LRRC49: variants seen among roughly 807,000 people sequenced by gnomAD.
The protein encoded by LRRC49 is leucine rich repeat containing 49, also known as leucine-rich repeat-containing protein 49.
A neutral mutation model predicts 83.3 loss-of-function variants in LRRC49; 50 were observed. The observed-to-expected ratio is 0.60, with a 90% CI of 0.48 to 0.76. The LOEUF (loss-of-function observed/expected upper bound fraction) is 0.76, where lower values mean the gene tolerates loss of function less well. Ranked by LOEUF, LRRC49 falls within the 30% of genes least tolerant of loss-of-function variation. The pLI is 0.00. For synonymous variants in LRRC49, 286 were observed against 283.3 expected, an observed-to-expected ratio of 1.01 and a Z score of -0.10; for missense variants, 704 against 809.1, an observed-to-expected ratio of 0.87 and a Z score of 1.58.
intron 15 of LRRC49, among the ~76,000 whole-genome samples, chr15:71,039,958 A>G (rs1404864480): frequency 6.6e-6 from 1 of 152,232 alleles, no homozygotes; most frequent in Non-Finnish European, 1.5e-5. Flanking sequence ...AAATGCCAGT[A>G]TTGCATAGGA....
chr15:71,007,709 G>GTGTATATATATATATATATATATA (rs964626080), intron 11 of LRRC49, among the ~76,000 whole-genome samples: 13 of 137,706 alleles, frequency 9.4e-5, no homozygotes, highest in African/African-American at 3.6e-4. Context: ...TGAGAAGCAT[G>GTGTATATATATATATATATATATA]TATATATATA....
At chr15:71,018,494 A>G (rs1488646060) in intron 14 of LRRC49, among the ~76,000 whole-genome samples, 2 of 152,204 alleles carry the variant, frequency 1.3e-5, no homozygotes, top group South Asian at 2.1e-4. Context: ...CTGGTAAGGT[A>G]TAACATAATT....
At chr15:71,011,070 A>G (rs2038636135) in intron 13 of LRRC49, among the ~76,000 whole-genome samples, 1 of 152,126 alleles carries the variant, frequency 6.6e-6, no homozygotes, top group African/African-American at 2.4e-5. Context: ...AGAATCAGCC[A>G]TCTGCTGAAG....
chr15:71,017,967 CTAAGTA>C (rs2038878639), intron 14 of LRRC49, among the ~76,000 whole-genome samples: 1 of 152,016 alleles, frequency 6.6e-6, no homozygotes, highest in South Asian at 2.1e-4. Flanking sequence ...ATTGGTAAAA[CTAAGTA>C]TATCATAGTA....
chr15:70,935,755 T>A (rs2035571352), intron 7 of LRRC49, among the ~76,000 whole-genome samples: 1 of 152,290 alleles, frequency 6.6e-6, no homozygotes, highest in East Asian at 1.9e-4. Context: ...CATGGCAGTA[T>A]GTAACACTTT....
chr15:71,044,080 C>G (rs962065199), intron 15 of LRRC49, among the ~76,000 whole-genome samples: 1 of 152,182 alleles, frequency 6.6e-6, no homozygotes, highest in African/African-American at 2.4e-5. Context: ...ACTTGTCCTT[C>G]TTTGTAGGAG....
At chr15:71,046,357 A>G (rs1018057151) in intron 15 of LRRC49, among the ~76,000 whole-genome samples, 1 of 152,176 alleles carries the variant, frequency 6.6e-6, no homozygotes. Flanking sequence ...CAGCCTCGCC[A>G]GCATCTGTTG....
At chr15:70,955,917 C>G (rs1244019301) in intron 8 of LRRC49, among the ~76,000 whole-genome samples, 2 of 151,964 alleles carry the variant, frequency 1.3e-5, no homozygotes. Context: ...TATTTCAGTC[C>G]TTGTGAGCAC....
chr15:71,003,605 C>A (rs1044305299), intron 11 of LRRC49, among the ~76,000 whole-genome samples: 1 of 152,156 alleles, frequency 6.6e-6, no homozygotes, highest in South Asian at 2.1e-4. Flanking sequence ...TCTGATAAAT[C>A]TGTGTTCTCT....
chr15:70,893,126 C>T (rs924027914), intron 1 of LRRC49, 184 bp downstream of exon 1: 11 of 662,394 alleles, frequency 1.7e-5, no homozygotes, highest in Non-Finnish European at 2.4e-5. Flanking sequence ...ATGATGGGTA[C>T]TCAAAGTCTT....
Position 70,905,399 on chromosome 15 carries a change from T to C in LRRC49, c.500+644T>C, listed in dbSNP as rs144038302. ...TATTATCAAATGAAGACTTTAGATATATATTATAACCAGGCTAGGTTCTCC... is the reference window on the plus strand; with the variant it reads ...TATTATCAAATGAAGACTTTAGATACATATTATAACCAGGCTAGGTTCTCC... On this transcript the variant is annotated intron_variant, in intron 5 of 15. Coordinates refer to ENST00000260382, the MANE Select transcript of LRRC49 (RefSeq NM_017691.5). Among the ~76,000 whole-genome samples the C allele has an allele frequency of 7.2e-5, 11 of 152,290 alleles. No homozygotes were observed. The East Asian group carries it at 1.9e-3, about 27-fold the overall frequency.
intron 8 of LRRC49, among the ~76,000 whole-genome samples, chr15:70,951,320 G>T (rs577313226): frequency 1.3e-5 from 2 of 151,900 alleles, no homozygotes; most frequent in African/African-American, 4.8e-5. Context: ...AGTATGATAG[G>T]AATGGCACTG....
chr15:71,037,052 T>G, intron 14 of LRRC49, 127 bp from the exon 15 acceptor site: 1 of 594,498 alleles, frequency 1.7e-6, no homozygotes, highest in South Asian at 2.8e-5. Context: ...AAATAAATCA[T>G]AAACTCAAAC....
At chr15:70,875,733 GC>G (rs2033140105) in intron 2 of LRRC49, among the ~76,000 whole-genome samples, 2 of 152,162 alleles carry the variant, frequency 1.3e-5, no homozygotes. Context: ...GTAGACTCAG[GC>G]CCAGAGAGAT....
intron 7 of LRRC49, among the ~76,000 whole-genome samples, chr15:70,928,996 C>T (rs893023296): frequency 6.6e-6 from 1 of 152,154 alleles, no homozygotes; most frequent in Non-Finnish European, 1.5e-5. Flanking sequence ...TTCTTTGTTT[C>T]TATAATTTTC....
intron 1 of LRRC49, among the ~76,000 whole-genome samples, chr15:70,865,084 C>T (rs1007858782): frequency 6.6e-6 from 1 of 152,120 alleles, no homozygotes; most frequent in African/African-American, 2.4e-5. Context: ...TTTCTTTCAT[C>T]TTGAACTTGG....
rs2039549506 is a variant in LRRC49, at chr15:71,037,220, A to C, written c.1745A>C (p.Lys582Thr). The C allele has an allele frequency of 1.2e-6, 2 of 1,610,514 alleles. No individual in the cohort carries two copies. The highest frequency in any genetic ancestry group is 1.7e-5 in the Admixed American group (1 of 59,280). Residue 582 changes from lysine to threonine, a missense_variant, in exon 15 of 16, where the codon AAA becomes ACA. This residue lies in a region of LRRC49 where 275 missense variants were observed against 338.0 expected (regional missense o/e 0.81). Coordinates refer to ENST00000260382, the MANE Select transcript of LRRC49 (RefSeq NM_017691.5). Reference sequence around the variant, plus strand: ...TATCTACTAGAATCCAAAGGAAAAAAACCTGGTATTATCAACGAAGAAAAT... The same window carrying C: ...TATCTACTAGAATCCAAAGGAAAAACACCTGGTATTATCAACGAAGAAAAT... ...FRYLLESKGK[K>T]PGIINEENND...
intron 3 of LRRC49, chr15:70,900,149 A>G (rs1595995736): frequency 5.3e-6 from 1 of 188,002 alleles, no homozygotes; most frequent in East Asian, 1.5e-4. Context: ...TTCTGCATTT[A>G]TGTATGTTGT....
In LRRC49 at chr15:71,050,499, G is replaced by A. The variant is rs776348424; in HGVS notation, c.*887G>A. 8.5e-5 allele frequency: 13 copies of A among 152,210 alleles called. No individual in the cohort carries two copies. The highest frequency in any genetic ancestry group is 1.9e-4 in the Non-Finnish European group (13 of 68,042). 9.4% of individuals were successfully genotyped at this position (152,210 alleles called of 1,614,324 possible). A position where few individuals can be genotyped will look rare whatever the true frequency, so the allele number is the denominator to read the frequency against. ...CAAATTCATGCTGGTGAGAAGGGTA[G>A]TAGGAGCCTATTACCATAGCTAGAG... On this transcript the variant is annotated 3_prime_UTR_variant, in exon 16 of 16. Coordinates refer to ENST00000260382, the MANE Select transcript of LRRC49 (RefSeq NM_017691.5).
Sources: allele counts gnomAD v4.1 joint callset (sites outside exome capture counted in the v4.1 genomes callset), GRCh38; gene constraint gnomAD v4.1.1; regional missense constraint gnomAD v4.1.1; transcripts MANE v1.5; gene names NCBI Gene and HGNC (gene_info 2026-07-23, HGNC 2026-07-21).